Variants in VWCE observed in about 807,000 individuals in gnomAD.
The protein encoded by VWCE is von Willebrand factor C and EGF domain-containing protein.
In VWCE, 68 loss-of-function variants were observed where a neutral mutation model predicts 102.9. The observed-to-expected ratio is 0.66, with a 90% CI of 0.54 to 0.81. VWCE has a LOEUF of 0.81. VWCE is among the 30% of genes least tolerant of loss of function. The pLI is 0.00. For synonymous variants in VWCE, 497 were observed against 515.4 expected, an observed-to-expected ratio of 0.96 and a Z score of 0.48; for missense variants, 1,137 against 1,263.6, an observed-to-expected ratio of 0.90 and a Z score of 1.52.
Position 61,271,658 on chromosome 11 carries a change from A to C in VWCE, c.1785+17T>G. ...CAGCCAGGTAAAGCAGCTGAAGGCG[A>C]GCAGGTTGTCATTCACCTGGCAGAT... On this transcript the variant is annotated intron_variant, in intron 14 of 19. Transcript: ENST00000335613. 2 of 1,604,922 alleles carry C rather than the reference A, an allele frequency of 1.2e-6. No individual in the cohort carries two copies. Among genetic ancestry groups the C allele is most frequent in the East Asian group, 4.5e-5 (2 of 44,722 alleles).
intron 16 of VWCE, among the ~76,000 whole-genome samples, chr11:61,266,638 G>T (rs1854521305): frequency 6.6e-6 from 1 of 152,130 alleles, no homozygotes; most frequent in Admixed American, 6.5e-5. Context: ...TGACCCAGGA[G>T]AAGAAATATG....
rs1365380878 is a variant in VWCE, at chr11:61,276,693, C to G, written c.1408-13G>C. The G allele has an allele frequency of 6.3e-6, 10 of 1,587,182 alleles. No homozygotes were observed. The highest frequency in any genetic ancestry group is 7.7e-6 in the Non-Finnish European group (9 of 1,167,382). The stretch of plus-strand genomic sequence containing the variant: ...ACACGTTTCCAGCCTGAGGAGGAGG[C>G]AAGAGAGGGCACTGGGGGTGCGGGT... On this transcript the variant is annotated splice_polypyrimidine_tract_variant and intron_variant, in intron 10 of 19. Coordinates refer to ENST00000335613, the MANE Select transcript of VWCE (RefSeq NM_152718.2).
chr11:61,259,365 G>A, intron 19 of VWCE, 53 bp from the exon 20 acceptor site: 2 of 1,521,196 alleles, frequency 1.3e-6, no homozygotes, highest in Non-Finnish European at 1.8e-6. Flanking sequence ...CAGTGGCCAA[G>A]GTGGCTCTGG....
At position 61,291,268 on chromosome 11, in the gene VWCE, G is replaced by A. The variant is rs1431166765; in HGVS notation, c.291C>T (p.Cys97=). Residue 97 remains cysteine (C), a synonymous_variant, in exon 3 of 20, where the codon TGC becomes TGT. Transcript: ENST00000335613. ...SCQDGEQGAT[C]PETHGPCGEY... ...CCCCTTCCCATCCCCAGTTACCTGG[G>A]CAGGTGGCCCCTTGCTCTCCATCCT... 6.3e-7 allele frequency: 1 copy of A among 1,580,030 alleles called. No homozygotes were observed. Among genetic ancestry groups the A allele is most frequent in the Non-Finnish European group, 8.6e-7 (1 of 1,161,826 alleles).
intron 16 of VWCE, among the ~76,000 whole-genome samples, chr11:61,265,556 G>A (rs763669467): frequency 8.5e-5 from 13 of 152,196 alleles, no homozygotes; most frequent in Admixed American, 4.6e-4. Flanking sequence ...AACAACTAGG[G>A]CCTACGTGCA....
At chr11:61,282,461 T>C (rs1855173606) in intron 6 of VWCE, 1 of 266,406 alleles carries the variant, frequency 3.8e-6, no homozygotes, top group South Asian at 8.1e-5. Flanking sequence ...AACCAAGACA[T>C]AACGTGCTTT....
In VWCE at chr11:61,271,803, G is replaced by C. The variant is rs572323209; in HGVS notation, c.1700-43C>G. ...CAGAGAAAAGACGGCACAAGACCTAGACTACAACAGCAGCAAGGACAGATG... is the reference window on the plus strand; with the variant it reads ...CAGAGAAAAGACGGCACAAGACCTACACTACAACAGCAGCAAGGACAGATG... On this transcript the variant is annotated intron_variant, in intron 13 of 19. Transcript: ENST00000335613. 20 of 1,573,012 alleles carry C rather than the reference G, an allele frequency of 1.3e-5. No homozygotes were observed. The East Asian group carries it at 4.0e-4, about 32-fold the overall frequency.
rs1348617705 is a variant in VWCE at position 61,273,215 on chromosome 11, C to T, written c.1683G>A (p.Glu561=). The change falls in exon 13 of 20, where the codon GAG becomes GAA. Residue 561 remains glutamate, a synonymous_variant. Coordinates refer to ENST00000335613, the MANE Select transcript of VWCE (RefSeq NM_152718.2). ...GPGQCCFTCQ[E]PTPSTGCSLD... is the part of the protein sequence containing the mutation. ...CCAGCTCACCTGTCGAGGGTGTGGG[C>T]TCCTGGCAGGTGAAGCAACACTGCC... 1.2e-6 allele frequency: 2 copies of T among 1,613,902 alleles called. No homozygotes were observed. Among genetic ancestry groups the T allele is most frequent in the African/African-American group, 2.7e-5 (2 of 75,018 alleles).
Position 61,294,876 on chromosome 11 carries a change from G to A in VWCE, c.110+52C>T, listed in dbSNP as rs975830379. On this transcript the variant is annotated intron_variant, in intron 1 of 19. Coordinates refer to ENST00000335613, the MANE Select transcript of VWCE (RefSeq NM_152718.2). The surrounding 1 kb of genome is among the most constrained non-coding windows in gnomAD (Gnocchi z 6.3). ...GCCCCTCCGCGCCTCTCGACTGCACGCCGGTAGCGCTCTCCCGGGCGGGGG... is the reference window on the plus strand; with the variant it reads ...GCCCCTCCGCGCCTCTCGACTGCACACCGGTAGCGCTCTCCCGGGCGGGGG... 1.4e-5 allele frequency: 17 copies of A among 1,249,066 alleles called. No homozygotes were observed. The highest frequency in any genetic ancestry group is 3.8e-5 in the Admixed American group (1 of 26,470). 77.4% of individuals were successfully genotyped at this position (1,249,066 alleles called of 1,614,324 possible). A position where few individuals can be genotyped will look rare whatever the true frequency, so the allele number is the denominator to read the frequency against.
At position 61,286,224 on chromosome 11, in the gene VWCE, G is replaced by A. The variant is rs145484505; in HGVS notation, c.541+90C>T. ...AAGGTTCAATGCAGTGGCACACAGA[G>A]CACACTGCACTGGGCATGGCAGGGC... On this transcript the variant is annotated intron_variant, in intron 5 of 19. Coordinates refer to ENST00000335613, the MANE Select transcript of VWCE (RefSeq NM_152718.2). 4.7e-3 allele frequency: 5,713 copies of A among 1,228,412 alleles called. 25 individuals are homozygous for A. The highest frequency in any genetic ancestry group is 9.1e-3 in the Middle Eastern group (36 of 3,940). 76.1% of individuals were successfully genotyped at this position (1,228,412 alleles called of 1,614,324 possible).
Position 61,274,518 on chromosome 11 carries a change from C to T in VWCE, c.1562G>A (p.Cys521Tyr), listed in dbSNP as rs751622271. The T allele has an allele frequency of 1.2e-6, 2 of 1,612,584 alleles. No homozygotes were observed. The highest frequency in any genetic ancestry group is 2.2e-5 in the South Asian group (2 of 90,646). ...CCATACCTGGCAAACACAGGTGGTA[C>T]ACTCGTCACCACCCCCACTGAACAC... ...GAVFSGGGDE[C>Y]TTCVCQNGEV... Residue 521 changes from cysteine (C) to tyrosine (Y), a missense_variant, in exon 12 of 20, where the codon TGT becomes TAT. Cys to Tyr is a radical substitution (Grantham distance 194). This residue lies in a region of VWCE where 212 missense variants were observed against 235.1 expected (regional missense o/e 0.90). Coordinates refer to ENST00000335613, the MANE Select transcript of VWCE (RefSeq NM_152718.2).
Position 61,264,486 on chromosome 11 carries a change from C to T in VWCE, c.2230+1G>A, listed in dbSNP as rs759640103. 22 of 1,613,012 alleles carry T rather than the reference C, an allele frequency of 1.4e-5. No individual in the cohort carries two copies. Among genetic ancestry groups the T allele is most frequent in the Non-Finnish European group, 1.9e-5 (22 of 1,179,646 alleles). On this transcript the variant is annotated splice_donor_variant, in intron 19 of 19. Coordinates refer to ENST00000335613, the MANE Select transcript of VWCE (RefSeq NM_152718.2). LOFTEE classifies it high-confidence loss of function. The stretch of plus-strand genomic sequence containing the variant: ...ACTCCAGGACCCAGAGACCCACTTA[C>T]CTGGACAGGAAGAGCAGCAGTCCCC...
chr11:61,280,654 T>C lies in VWCE; in HGVS notation c.1294A>G (p.Arg432Gly). The C allele has an allele frequency of 6.2e-7, 1 of 1,614,070 alleles. No homozygotes were observed. The highest frequency in any genetic ancestry group is 8.5e-7 in the Non-Finnish European group (1 of 1,180,016). The change falls in exon 9 of 20, where the codon AGA becomes GGA. Residue 432 changes from arginine (R) to glycine (G), a missense_variant. Physicochemically the swap from Arg to Gly is moderately radical, Grantham distance 125 (BLOSUM62 -2). Around this residue, in one of 5 missense-constraint regions of VWCE, gnomAD observed 575 missense variants for 625.9 expected, o/e 0.92. Transcript: ENST00000335613. ...EAACSHPIPS[R>G]DGGCCPSCTG... is the part of the protein sequence containing the mutation. ...CACGATGGGCAGCACCCACCATCTC[T>C]GGAGGGAATTGGGTGGGAACAAGCA...
intron 14 of VWCE, among the ~76,000 whole-genome samples, chr11:61,270,256 A>G (rs1455226180): frequency 6.6e-6 from 1 of 152,178 alleles, no homozygotes; most frequent in Non-Finnish European, 1.5e-5. Context: ...CATCGAAGGC[A>G]CTAGAAGGCT....
rs1313792922 is a variant in VWCE at position 61,288,862 on chromosome 11, G to A, written c.424+1937C>T. ...GCGTTTTTTTTTTTTTTTTTGAGAC[G>A]GAATCTCGCTCTGTCACTCAGGCTG... On this transcript the variant is annotated intron_variant, in intron 4 of 19. Coordinates refer to ENST00000335613, the MANE Select transcript of VWCE (RefSeq NM_152718.2). 4.1e-5 allele frequency among the ~76,000 whole-genome samples: 6 copies of A among 144,826 alleles called. No individual in the cohort carries two copies. The South Asian group carries it at 1.1e-3, about 27-fold the overall frequency.
chr11:61,292,945 T>TA (rs904575963), intron 1 of VWCE, among the ~76,000 whole-genome samples: 17 of 147,068 alleles, frequency 1.2e-4, no homozygotes, highest in South Asian at 6.5e-4. Flanking sequence ...CTGTCTCCAC[T>TA]AAAAAAAAAA....
At chr11:61,286,451 T>A in intron 4 of VWCE, 21 bp from the exon 5 acceptor site, 1 of 1,604,474 alleles carries the variant, frequency 6.2e-7, no homozygotes, top group Non-Finnish European at 8.5e-7. Context: ...AGAAAGCACG[T>A]GTTTACACAG....
At chr11:61,273,560 C>T (rs1020304782) in intron 12 of VWCE, 34 of 521,198 alleles carry the variant, frequency 6.5e-5, no homozygotes, top group African/African-American at 6.0e-4. Flanking sequence ...TGGGAATAGG[C>T]ACGGCCTTCA....
chr11:61,278,531 C>T, intron 9 of VWCE, 55 bp from the exon 10 acceptor site: 1 of 1,538,102 alleles, frequency 6.5e-7, no homozygotes, highest in Non-Finnish European at 9.0e-7. Flanking sequence ...GAAGAGGAAA[C>T]TTGAGGTCTC....
Sources: allele counts gnomAD v4.1 joint callset (sites outside exome capture counted in the v4.1 genomes callset), GRCh38; gene constraint gnomAD v4.1.1; regional missense constraint gnomAD v4.1.1; non-coding constraint Gnocchi (gnomAD v3.1); transcripts MANE v1.5; gene names NCBI Gene and HGNC (gene_info 2026-07-23, HGNC 2026-07-21).